ZNF385B: variants seen among roughly 807,000 people sequenced by gnomAD.
ZNF385B encodes the protein zinc finger protein 385B, also known as zinc finger protein 533.
Under a neutral mutation model 39.2 loss-of-function variants are expected in ZNF385B, and 23 were observed. The observed-to-expected ratio is 0.59, with a 90% CI of 0.42 to 0.83. The LOEUF (loss-of-function observed/expected upper bound fraction) is 0.83, where lower values mean the gene tolerates loss of function less well. ZNF385B is among the 40% of genes least tolerant of loss of function. The pLI is 0.00. For missense variants in ZNF385B, 552 were observed against 598.9 expected, an observed-to-expected ratio of 0.92 and a Z score of 0.82; for synonymous variants, 205 against 222.6, an observed-to-expected ratio of 0.92 and a Z score of 0.70.
At chr2:179,816,791 C>T (rs1350220848) in intron 1 of ZNF385B, among the ~76,000 whole-genome samples, 1 of 152,144 alleles carries the variant, frequency 6.6e-6, no homozygotes, top group East Asian at 1.9e-4. Flanking sequence ...ATTAGTTGTT[C>T]CTTTCAGAAT....
chr2:179,496,904 C>G (rs1470449673), intron 5 of ZNF385B, among the ~76,000 whole-genome samples: 1 of 152,112 alleles, frequency 6.6e-6, no homozygotes, highest in Non-Finnish European at 1.5e-5. Flanking sequence ...CAAAAATCAG[C>G]TGGGTGTGGT....
intron 5 of ZNF385B, among the ~76,000 whole-genome samples, chr2:179,493,597 G>A (rs1235520226): frequency 5.2e-5 from 5 of 97,018 alleles, no homozygotes; most frequent in East Asian, 5.3e-4. Context: ...ACATATATGC[G>A]TATACATATA....
At chr2:179,539,284 A>G (rs952393300) in intron 4 of ZNF385B, among the ~76,000 whole-genome samples, 6 of 152,078 alleles carry the variant, frequency 3.9e-5, no homozygotes, top group African/African-American at 1.4e-4. Flanking sequence ...CTTATAGGGC[A>G]CTAATCCCAT....
intron 3 of ZNF385B, among the ~76,000 whole-genome samples, chr2:179,723,453 AAT>A (rs1700814521): frequency 6.6e-6 from 1 of 152,210 alleles, no homozygotes; most frequent in Non-Finnish European, 1.5e-5. Context: ...GGATATACAA[AAT>A]ATATTAGGTT....
intron 3 of ZNF385B, among the ~76,000 whole-genome samples, chr2:179,592,846 T>C (rs977048671): frequency 3.3e-5 from 5 of 152,178 alleles, no homozygotes; most frequent in Non-Finnish European, 5.9e-5. Context: ...TTTTTTGTTA[T>C]TGAGAGCAGG....
intron 1 of ZNF385B, among the ~76,000 whole-genome samples, chr2:179,773,147 A>C (rs1403996049): frequency 6.6e-6 from 1 of 152,134 alleles, no homozygotes; most frequent in African/African-American, 2.4e-5. Context: ...CCTGACCTGC[A>C]TTGTTATCCA....
chr2:179,470,471 G>T (rs74939585), intron 6 of ZNF385B, among the ~76,000 whole-genome samples: 16,334 of 151,050 alleles, frequency 0.11, 1,116 homozygotes, highest in East Asian at 0.32. Flanking sequence ...ATTTTCCTTT[G>T]TGATATGGTT....
At chr2:179,791,496 C>A (rs1330598896) in intron 1 of ZNF385B, among the ~76,000 whole-genome samples, 5 of 152,074 alleles carry the variant, frequency 3.3e-5, no homozygotes, top group Admixed American at 2.0e-4. Flanking sequence ...TGAAAATGAA[C>A]CATTCTGTTT....
chr2:179,823,182 T>C (rs1276921164), intron 1 of ZNF385B, among the ~76,000 whole-genome samples: 1 of 152,154 alleles, frequency 6.6e-6, no homozygotes, highest in Non-Finnish European at 1.5e-5. Context: ...AAGTGAGACC[T>C]ACTCTTCTGC....
chr2:179,804,315 C>T (rs1553537522), intron 1 of ZNF385B, among the ~76,000 whole-genome samples: 1 of 152,186 alleles, frequency 6.6e-6, no homozygotes, highest in Non-Finnish European at 1.5e-5. Context: ...GACTCAAAGA[C>T]TCAAGTGCTT....
At position 179,688,495 on chromosome 2, in the gene ZNF385B, AC is replaced by A. The variant is rs1698099329; in HGVS notation, c.298+81007del. ...CCCCACCCTGTCCCCCTGCAAAACAACAACAACAACAACAACAACAACAAAA... is the reference window on the plus strand; with the variant it reads ...CCCCACCCTGTCCCCCTGCAAAACAAAACAACAACAACAACAACAACAAAA... On this transcript the variant is annotated intron_variant, in intron 3 of 9. Coordinates refer to ENST00000410066, the MANE Select transcript of ZNF385B (RefSeq NM_152520.6). Among the ~76,000 whole-genome samples the A allele has an allele frequency of 2.0e-5, 3 of 149,552 alleles. No individual in the cohort carries two copies. The Admixed American group carries it at 2.0e-4, about 10-fold the overall frequency.
At chr2:179,838,077 C>T (rs979895031) in intron 1 of ZNF385B, among the ~76,000 whole-genome samples, 2 of 152,066 alleles carry the variant, frequency 1.3e-5, no homozygotes, top group Non-Finnish European at 2.9e-5. Flanking sequence ...ATTTCTTATT[C>T]AAGGCCCAGT....
At chr2:179,449,860 G>C (rs1430605902) in intron 6 of ZNF385B, among the ~76,000 whole-genome samples, 1 of 151,964 alleles carries the variant, frequency 6.6e-6, no homozygotes, top group Non-Finnish European at 1.5e-5. Flanking sequence ...TATACCACAA[G>C]GCTACAGTAA....
At chr2:179,664,807 AC>A (rs1343241484) in intron 3 of ZNF385B, among the ~76,000 whole-genome samples, 15 of 152,198 alleles carry the variant, frequency 9.9e-5, no homozygotes, top group Admixed American at 9.2e-4. Flanking sequence ...ATGTTTGTGC[AC>A]ATTTACAGAA....
chr2:179,673,349 C>A (rs561208111), intron 3 of ZNF385B, among the ~76,000 whole-genome samples: 12 of 151,938 alleles, frequency 7.9e-5, no homozygotes, highest in African/African-American at 2.9e-4. Context: ...GAGCAAAAGA[C>A]AGAAACAGAA....
intron 1 of ZNF385B, among the ~76,000 whole-genome samples, chr2:179,778,602 C>G (rs902107963): frequency 6.6e-6 from 1 of 152,170 alleles, no homozygotes; most frequent in African/African-American, 2.4e-5. Context: ...ATGGTATTCT[C>G]TGGATTTTGT....
In ZNF385B at chr2:179,809,193, T is replaced by C. The variant is rs927081551; in HGVS notation, c.-154-38521A>G. 3.9e-5 allele frequency among the ~76,000 whole-genome samples: 6 copies of C among 152,292 alleles called. No individual in the cohort carries two copies. The East Asian group carries it at 7.7e-4, about 20-fold the overall frequency. Reference sequence around the variant, plus strand: ...TACTCTGTTCATTTATATTACACCATCTAAGTTTCAGGAAAAAGTAATCTA... The same window carrying C: ...TACTCTGTTCATTTATATTACACCACCTAAGTTTCAGGAAAAAGTAATCTA... On this transcript the variant is annotated intron_variant, in intron 1 of 9. Transcript: ENST00000410066.
intron 3 of ZNF385B, among the ~76,000 whole-genome samples, chr2:179,708,554 G>A (rs533712468): frequency 6.6e-6 from 1 of 152,314 alleles, no homozygotes; most frequent in South Asian, 2.1e-4. Context: ...AACTAGCATT[G>A]TAAGTGGGAA....
intron 3 of ZNF385B, among the ~76,000 whole-genome samples, chr2:179,625,927 T>C (rs1291700265): frequency 6.6e-6 from 1 of 152,004 alleles, no homozygotes; most frequent in Non-Finnish European, 1.5e-5. Context: ...TGTCTCCTAA[T>C]GCCTAGGCAG....
Sources: gnomAD v4.1 joint callset for allele counts (sites outside exome capture counted in the v4.1 genomes callset) on GRCh38, gnomAD v4.1.1 for gene constraint, MANE v1.5 for transcripts, NCBI Gene and HGNC (gene_info 2026-07-23, HGNC 2026-07-21) for gene names.